PSTPIP2: variants seen among roughly 807,000 people sequenced by gnomAD.
PSTPIP2 encodes proline-serine-threonine phosphatase interacting protein 2, also known as proline-serine-threonine phosphatase-interacting protein 2.
A neutral mutation model predicts 63.3 loss-of-function variants in PSTPIP2; 33 were observed. The ratio of observed to expected loss-of-function variants is 0.52; its 90% CI spans 0.40 to 0.70. PSTPIP2 has a LOEUF of 0.70. Ranked by LOEUF, PSTPIP2 falls within the 30% of genes least tolerant of loss-of-function variation. The pLI is 0.00. For missense variants in PSTPIP2, 312 were observed against 400.7 expected (o/e 0.78, Z 1.89); for synonymous variants, 125 against 132.7 (o/e 0.94, Z 0.40).
intron 2 of PSTPIP2, among the ~76,000 whole-genome samples, chr18:46,025,848 G>A (rs1000470124): frequency 3.9e-5 from 6 of 152,110 alleles, no homozygotes; most frequent in African/African-American, 9.7e-5. Flanking sequence ...TCCGCCTCCC[G>A]GGTTCAAGCG....
intron 6 of PSTPIP2, among the ~76,000 whole-genome samples, chr18:46,003,165 G>A (rs1480624434): frequency 6.6e-6 from 1 of 152,214 alleles, no homozygotes; most frequent in African/African-American, 2.4e-5. Flanking sequence ...CTACTGGAAA[G>A]TGGTTAAAGT....
At chr18:45,992,612 C>G (rs1029613917) in intron 10 of PSTPIP2, among the ~76,000 whole-genome samples, 3 of 151,834 alleles carry the variant, frequency 2.0e-5, no homozygotes, top group African/African-American at 7.3e-5. Flanking sequence ...AGAGAGCTGA[C>G]TCTTCCAAAT....
chr18:46,031,292 T>G (rs1023494061), intron 2 of PSTPIP2, among the ~76,000 whole-genome samples: 3 of 152,170 alleles, frequency 2.0e-5, no homozygotes, highest in Non-Finnish European at 4.4e-5. Context: ...TGTTATGTGA[T>G]TTGGCTTCAT....
chr18:45,992,111 G>A lies in PSTPIP2; in HGVS notation c.833C>T (p.Pro278Leu). 1.2e-6 allele frequency: 2 copies of A among 1,606,996 alleles called. 1 individual carries two copies. ...CACCCCACTGCCCCATTCACCTGGT[G>A]GAATCTGTCCAGTTTTGCGTTGATT... ...FVNQRKTGQI[P>L]PAPIMYENFY... Residue 278 changes from proline to leucine, a missense_variant, in exon 11 of 15, where the codon CCA becomes CTA. Physicochemically the swap from Pro to Leu is moderately conservative, Grantham distance 98 (BLOSUM62 -3). Coordinates refer to ENST00000409746, the MANE Select transcript of PSTPIP2 (RefSeq NM_024430.4).
intron 1 of PSTPIP2, among the ~76,000 whole-genome samples, chr18:46,054,016 A>G (rs7226742): frequency 0.13 from 19,540 of 152,182 alleles, 1,653 homozygotes; most frequent in East Asian, 0.41. Flanking sequence ...CCTACTACAC[A>G]GTGAGGCTAT....
chr18:46,016,107 TTTCCTCAATCCCAGGCACAAGAAATTC>T, intron 3 of PSTPIP2, 170 bp from the exon 4 acceptor site: 1 of 656,104 alleles, frequency 1.5e-6, no homozygotes, highest in Non-Finnish European at 2.7e-6. Context: ...TTAAGTCCAG[TTTCCTCAATCCCAGGCACAAGAAATTC>T]TTCACTGTTC....
At chr18:46,019,913 A>G (rs571904170) in intron 3 of PSTPIP2, among the ~76,000 whole-genome samples, 9 of 152,346 alleles carry the variant, frequency 5.9e-5, no homozygotes, top group Non-Finnish European at 7.3e-5. Flanking sequence ...AAGAATAGGA[A>G]AAAAAGACGG....
At chr18:46,049,486 A>G (rs1006970156) in intron 1 of PSTPIP2, among the ~76,000 whole-genome samples, 2 of 152,178 alleles carry the variant, frequency 1.3e-5, no homozygotes, top group South Asian at 2.1e-4. Flanking sequence ...AAAAAAAGAT[A>G]TTCAAACAAT....
Position 46,003,018 on chromosome 18 carries a change from T to C in PSTPIP2, c.417+2451A>G, listed in dbSNP as rs546295271. 5.3e-5 allele frequency among the ~76,000 whole-genome samples: 8 copies of C among 152,292 alleles called. No individual in the cohort carries two copies. The East Asian group carries it at 1.5e-3, about 29-fold the overall frequency. On this transcript the variant is annotated intron_variant, in intron 6 of 14. Coordinates refer to ENST00000409746, the MANE Select transcript of PSTPIP2 (RefSeq NM_024430.4). ...CTCTGGATTTTATTTAAGGCTTCTG[T>C]TTTAGCTAGCTTCCTCAGGACACCA... is the stretch of plus-strand genomic sequence containing the variant.
intron 2 of PSTPIP2, among the ~76,000 whole-genome samples, chr18:46,039,470 G>A (rs1908107930): frequency 6.6e-6 from 1 of 151,942 alleles, no homozygotes; most frequent in Non-Finnish European, 1.5e-5. Flanking sequence ...CAGATATCCA[G>A]GTACTTCTTC....
chr18:46,043,380 G>A (rs905183708), intron 1 of PSTPIP2, among the ~76,000 whole-genome samples: 23 of 150,868 alleles, frequency 1.5e-4, no homozygotes, highest in African/African-American at 5.6e-4. Context: ...GACAGAGTGA[G>A]CCCCTGTCTC....
intron 6 of PSTPIP2, among the ~76,000 whole-genome samples, chr18:46,003,399 G>A (rs2051689932): frequency 1.3e-5 from 2 of 152,172 alleles, no homozygotes; most frequent in Non-Finnish European, 1.5e-5. Flanking sequence ...GCCTGGTGTG[G>A]TGGAAGTTTA....
At chr18:45,988,894 C>A in intron 13 of PSTPIP2, 135 bp from the exon 14 acceptor site, 4 of 699,322 alleles carry the variant, frequency 5.7e-6, no homozygotes, top group Non-Finnish European at 9.9e-6. Context: ...GATCTGCCAA[C>A]AAAAACTATA....
chr18:46,064,472 T>TTTTA (rs1410821827), intron 1 of PSTPIP2, among the ~76,000 whole-genome samples: 1 of 145,708 alleles, frequency 6.9e-6, no homozygotes, highest in East Asian at 2.0e-4. Context: ...TTTTTTTTTT[T>TTTTA]TTTTTTAAGT....
At chr18:46,043,164 T>C (rs968263183) in intron 1 of PSTPIP2, among the ~76,000 whole-genome samples, 8 of 144,676 alleles carry the variant, frequency 5.5e-5, no homozygotes, top group African/African-American at 2.1e-4. Flanking sequence ...GGCGGGAGGA[T>C]CGCTTGAGCT....
rs763090718 is a variant in PSTPIP2, at chr18:45,997,765, T to C, written c.626A>G (p.His209Arg). 1 of 1,481,656 alleles carries C rather than the reference T, an allele frequency of 6.7e-7. No homozygotes were observed. Among genetic ancestry groups the C allele is most frequent in the South Asian group, 1.1e-5 (1 of 88,884 alleles). The allele number at this position is 1,481,656 out of a possible 1,614,324, so 91.8% of individuals were successfully genotyped here. A position where few individuals can be genotyped will look rare whatever the true frequency, so the allele number is the denominator to read the frequency against. ...TACGGGTACCTCGCAGGCCTTGATG[T>C]GCTCACTCTGCCACTCTTCTCGGAC... Reference protein sequence around the residue: ...DKVREEWQSEHIKACEAFEAQ... With the variant: ...DKVREEWQSERIKACEAFEAQ... Residue 209 changes from histidine to arginine, a missense_variant, in exon 9 of 15, where the codon CAC becomes CGC. His to Arg is a conservative substitution (Grantham distance 29). Coordinates refer to ENST00000409746, the MANE Select transcript of PSTPIP2 (RefSeq NM_024430.4).
chr18:46,053,626 T>C (rs1426636968), intron 1 of PSTPIP2, among the ~76,000 whole-genome samples: 2 of 152,184 alleles, frequency 1.3e-5, no homozygotes, highest in African/African-American at 2.4e-5. Flanking sequence ...AAACTAAACC[T>C]CAACTAAATT....
chr18:46,017,752 T>G (rs1238577301), intron 3 of PSTPIP2, among the ~76,000 whole-genome samples: 3 of 152,220 alleles, frequency 2.0e-5, no homozygotes, highest in Admixed American at 2.0e-4. Flanking sequence ...CCTCATGTAC[T>G]TACACTTTTT....
At chr18:46,049,891 A>G (rs984751717) in intron 1 of PSTPIP2, among the ~76,000 whole-genome samples, 1 of 151,636 alleles carries the variant, frequency 6.6e-6, no homozygotes, top group African/African-American at 2.4e-5. Flanking sequence ...AAAACAAAAC[A>G]AAAAAAAAGA....
Sources: allele counts gnomAD v4.1 joint callset (sites outside exome capture counted in the v4.1 genomes callset), GRCh38; gene constraint gnomAD v4.1.1; transcripts MANE v1.5; gene names NCBI Gene and HGNC (gene_info 2026-07-23, HGNC 2026-07-21).